The following SLC22A16 variants were observed in gnomAD, a reference collection of about 807,000 sequenced individuals.
SLC22A16 encodes the protein solute carrier family 22 member 16.
SLC22A16 carries 53 observed loss-of-function variants against 52.9 expected under a neutral mutation model. The observed-to-expected ratio is 1.00, with a 90% CI of 0.80 to 1.26. The LOEUF (loss-of-function observed/expected upper bound fraction) is 1.26, where lower values mean the gene tolerates loss of function less well. SLC22A16 is among the 50% of genes most tolerant of loss of function. SLC22A16 has a pLI of 0.00. For synonymous variants in SLC22A16, 291 were observed against 268.8 expected, an observed-to-expected ratio of 1.08 and a Z score of -0.81; for missense variants, 726 against 704.0, an observed-to-expected ratio of 1.03 and a Z score of -0.35.
Position 110,446,904 on chromosome 6 carries a change from G to C in SLC22A16, c.620C>G (p.Thr207Ser). The C allele has an allele frequency of 6.2e-7, 1 of 1,613,858 alleles. No homozygotes were observed. The highest frequency in any genetic ancestry group is 8.5e-7 in the Non-Finnish European group (1 of 1,179,876). ...IAAAFAVDYY[T>S]FMAARFFLAM... The stretch of plus-strand genomic sequence containing the variant: ...AAGAAAAAAGCGAGCAGCCATGAAG[G>C]TGTAATAATCAACTGCAAACGCCGC... The change falls in exon 3 of 8, where the codon ACC becomes AGC. Residue 207 changes from threonine to serine, a missense_variant. By Grantham distance (58) the Thr-to-Ser change is moderately conservative. Transcript: ENST00000368919.
At chr6:110,464,941 A>C (rs1298396427) in intron 1 of SLC22A16, among the ~76,000 whole-genome samples, 1 of 152,124 alleles carries the variant, frequency 6.6e-6, no homozygotes, top group African/African-American at 2.4e-5. Context: ...ATAATCCATC[A>C]CAATCAGATG....
intron 1 of SLC22A16, among the ~76,000 whole-genome samples, chr6:110,465,427 G>C (rs1451774537): frequency 6.6e-6 from 1 of 152,066 alleles, no homozygotes; most frequent in Admixed American, 6.6e-5. Context: ...TCCTAGACTT[G>C]ATAAACAACT....
chr6:110,461,332 G>A (rs982629085), intron 1 of SLC22A16, among the ~76,000 whole-genome samples: 4 of 152,158 alleles, frequency 2.6e-5, no homozygotes, highest in African/African-American at 9.7e-5. Context: ...AAGAACTGAG[G>A]GTTATGAGTG....
chr6:110,476,378 GCCCGTGTCCC>G (rs1776479260), intron 1 of SLC22A16, 134 bp downstream of exon 1: 2 of 1,365,748 alleles, frequency 1.5e-6, no homozygotes, highest in Non-Finnish European at 1.9e-6. Context: ...GCGTCTGGAC[GCCCGTGTCCC>G]GACTGCGCGG....
Position 110,424,972 on chromosome 6 carries a change from C to T in SLC22A16, c.1635G>A (p.Glu545=). ...GTAATTTGCTTGACTTGCTTTCATT[C>T]TCTGACTCCAGTTTTGCAGCCTCCT... ...TWEEAAKLES[E]NESKSSKLLL... The change falls in exon 8 of 8, where the codon GAG becomes GAA. Residue 545 remains glutamate (E), a synonymous_variant. Transcript: ENST00000368919. The T allele has an allele frequency of 2.5e-6, 4 of 1,614,166 alleles. No individual in the cohort carries two copies. The highest frequency in any genetic ancestry group is 3.4e-6 in the Non-Finnish European group (4 of 1,180,022).
At chr6:110,466,311 T>G (rs1354814065) in intron 1 of SLC22A16, among the ~76,000 whole-genome samples, 2 of 152,070 alleles carry the variant, frequency 1.3e-5, no homozygotes, top group Non-Finnish European at 2.9e-5. Flanking sequence ...ACTAAAAAGC[T>G]TCTGCACAGC....
chr6:110,449,687 C>T lies in SLC22A16; in HGVS notation c.534-2697G>A, dbSNP rs559829130. On this transcript the variant is annotated intron_variant, in intron 2 of 7. Coordinates refer to ENST00000368919, the MANE Select transcript of SLC22A16 (RefSeq NM_033125.4). Reference sequence around the variant, plus strand: ...AAACCTTAATACATTCCTCCGCTCCCTCCTGCATATTCGTCATCAGATTAT... The same window carrying T: ...AAACCTTAATACATTCCTCCGCTCCTTCCTGCATATTCGTCATCAGATTAT... Among the ~76,000 whole-genome samples the T allele has an allele frequency of 1.1e-3, 164 of 152,278 alleles. 1 individual carries two copies. Among genetic ancestry groups the T allele is most frequent in the African/African-American group, 3.7e-3 (155 of 41,564 alleles).
At chr6:110,433,612 AC>A (rs1251308436) in intron 6 of SLC22A16, among the ~76,000 whole-genome samples, 1 of 152,234 alleles carries the variant, frequency 6.6e-6, no homozygotes, top group African/African-American at 2.4e-5. Context: ...AATGGGATGA[AC>A]CCACTAGCTA....
chr6:110,474,177 TC>T (rs1367295310), intron 1 of SLC22A16, among the ~76,000 whole-genome samples: 1 of 152,094 alleles, frequency 6.6e-6, no homozygotes, highest in Non-Finnish European at 1.5e-5. Flanking sequence ...GAAACCATCC[TC>T]CCGACCCCAC....
At chr6:110,452,021 C>T (rs1407331308) in intron 2 of SLC22A16, among the ~76,000 whole-genome samples, 1 of 152,140 alleles carries the variant, frequency 6.6e-6, no homozygotes, top group African/African-American at 2.4e-5. Flanking sequence ...ATGATTGATC[C>T]TTTTCCTGCT....
chr6:110,439,787 A>G (rs1774892247), intron 4 of SLC22A16, among the ~76,000 whole-genome samples: 2 of 152,232 alleles, frequency 1.3e-5, no homozygotes, highest in South Asian at 4.1e-4. Flanking sequence ...AATTTGGTTT[A>G]CACTAGGAGT....
chr6:110,430,537 C>G (rs1030897244), intron 7 of SLC22A16, among the ~76,000 whole-genome samples: 1 of 152,106 alleles, frequency 6.6e-6, no homozygotes, highest in Admixed American at 6.5e-5. Flanking sequence ...GCCCTCCACC[C>G]ATCCCGCATC....
intron 2 of SLC22A16, chr6:110,453,665 G>T (rs1410505769): frequency 2.2e-6 from 1 of 456,174 alleles, no homozygotes; most frequent in South Asian, 1.5e-5. Flanking sequence ...GGAATCCACT[G>T]GTTTTGTACC....
chr6:110,439,613 G>C (rs547821751), intron 4 of SLC22A16, among the ~76,000 whole-genome samples: 1 of 152,294 alleles, frequency 6.6e-6, no homozygotes, highest in East Asian at 1.9e-4. Flanking sequence ...CAGATGTGCC[G>C]TCAGAGCACT....
chr6:110,447,252 TG>T (rs2114956171), intron 2 of SLC22A16, among the ~76,000 whole-genome samples: 1 of 152,194 alleles, frequency 6.6e-6, no homozygotes, highest in South Asian at 2.1e-4. Context: ...CCCTTTAACC[TG>T]GGATTGGGGG....
intron 7 of SLC22A16, among the ~76,000 whole-genome samples, chr6:110,427,941 G>A (rs1321984834): frequency 1.3e-5 from 2 of 152,156 alleles, no homozygotes; most frequent in Non-Finnish European, 2.9e-5. Context: ...CATCTCTCAA[G>A]ACAGGCTATT....
chr6:110,460,168 G>A (rs185646633), intron 1 of SLC22A16, among the ~76,000 whole-genome samples: 66 of 151,970 alleles, frequency 4.3e-4, no homozygotes, highest in African/African-American at 1.5e-3. Context: ...TGCCCACCCC[G>A]CTGCATCCTG....
chr6:110,454,031 G>GAAC (rs1775486281), intron 2 of SLC22A16, among the ~76,000 whole-genome samples: 1 of 152,150 alleles, frequency 6.6e-6, no homozygotes, highest in African/African-American at 2.4e-5. Flanking sequence ...TCACTGCCAT[G>GAAC]AGAACAGCAC....
intron 2 of SLC22A16, 110 bp from the exon 3 acceptor site, chr6:110,447,100 A>T: frequency 1.3e-6 from 1 of 783,226 alleles, no homozygotes; most frequent in Non-Finnish European, 2.1e-6. Context: ...TGAATAGCTT[A>T]TGTATTGATT....
Sources: allele counts gnomAD v4.1 joint callset (sites outside exome capture counted in the v4.1 genomes callset), GRCh38; gene constraint gnomAD v4.1.1; transcripts MANE v1.5; gene names NCBI Gene and HGNC (gene_info 2026-07-23, HGNC 2026-07-21).